The following ABL2 variants were observed in gnomAD, a reference collection of about 807,000 sequenced individuals.
ABL2 encodes the protein tyrosine-protein kinase ABL2.
Under a neutral mutation model 107.7 loss-of-function variants are expected in ABL2, and 49 were observed. That is an observed-to-expected ratio of 0.45 (90% CI 0.36 to 0.58). The LOEUF (loss-of-function observed/expected upper bound fraction) is 0.58. ABL2 is among the 20% of genes least tolerant of loss of function. ABL2 has a pLI of 0.00. For synonymous variants in ABL2, 549 were observed against 548.6 expected, an observed-to-expected ratio of 1.00 and a Z score of -0.01; for missense variants, 1,245 against 1,457.0, an observed-to-expected ratio of 0.85 and a Z score of 2.37.
chr1:179,183,594 A>T lies in ABL2; in HGVS notation c.157+45647T>A, dbSNP rs190885409. The T allele has an allele frequency of 3.9e-5, 6 of 151,906 alleles. No homozygotes were observed. The East Asian group carries it at 7.7e-4, about 20-fold the overall frequency. 9.4% of individuals were successfully genotyped at this position (151,906 alleles called of 1,614,324 possible). A position where few individuals can be genotyped will look rare whatever the true frequency, so the allele number is the denominator to read the frequency against. ...TTGTTCATGTACAACTGAAATGATT[A>T]AAAAAAAATTATAATACAAACGTAA... On this transcript the variant is annotated intron_variant, in intron 1 of 11. Transcript: ENST00000502732.
intron 1 of ABL2, among the ~76,000 whole-genome samples, chr1:179,170,347 G>T (rs190091431): frequency 6.6e-6 from 1 of 152,068 alleles, no homozygotes; most frequent in African/African-American, 2.4e-5. Context: ...AAGCTTTGGG[G>T]GACATAATCA....
rs1652919832 is a variant in ABL2 at position 179,099,487 on chromosome 1, T to C, written c.*8231A>G. 2 of 222,368 alleles carry C rather than the reference T, an allele frequency of 9.0e-6. No homozygotes were observed. The highest frequency in any genetic ancestry group is 9.0e-6 in the Non-Finnish European group (1 of 111,294). 13.8% of individuals were successfully genotyped at this position (222,368 alleles called of 1,614,324 possible). On this transcript the variant is annotated 3_prime_UTR_variant, in exon 12 of 12. Transcript: ENST00000502732. ...CAGTCAGACAACAGACGGAGAGAAT[T>C]AAATTAGAAAAACAACTGAAAATAT...
chr1:179,226,708 G>C (rs1663238548), intron 1 of ABL2, among the ~76,000 whole-genome samples: 1 of 152,058 alleles, frequency 6.6e-6, no homozygotes, highest in African/African-American at 2.4e-5. Context: ...TTTAATACTA[G>C]GTACTATTAT....
Position 179,176,098 on chromosome 1 carries a change from G to A in ABL2, c.158-42724C>T, listed in dbSNP as rs985964196. Reference sequence around the variant, plus strand: ...CTCAACTCCTGACCTCAAGTGACCCGCCTGCCTCGGCCTCCCAAAGTGCTG... The same window carrying A: ...CTCAACTCCTGACCTCAAGTGACCCACCTGCCTCGGCCTCCCAAAGTGCTG... On this transcript the variant is annotated intron_variant, in intron 1 of 11. Coordinates refer to ENST00000502732, the MANE Select transcript of ABL2 (RefSeq NM_007314.4). 4.0e-5 allele frequency among the ~76,000 whole-genome samples: 6 copies of A among 151,756 alleles called. No homozygotes were observed. In the South Asian group the frequency reaches 1.0e-3, roughly 26 times the overall value.
At chr1:179,196,555 TCCAGGACCAGC>T (rs1052423764) in intron 1 of ABL2, 1 of 152,152 alleles carries the variant, frequency 6.6e-6, no homozygotes, top group African/African-American at 2.4e-5. Context: ...GTCCAGGAGT[TCCAGGACCAGC>T]CTGGCCAATA....
At chr1:179,168,972 C>G (rs1659551054) in intron 1 of ABL2, among the ~76,000 whole-genome samples, 1 of 152,104 alleles carries the variant, frequency 6.6e-6, no homozygotes, top group African/African-American at 2.4e-5. Context: ...TCCACAATAT[C>G]CACAGAGGAT....
chr1:179,137,553 A>G (rs960877154), intron 1 of ABL2, among the ~76,000 whole-genome samples: 6 of 152,210 alleles, frequency 3.9e-5, no homozygotes, highest in Admixed American at 1.3e-4. Flanking sequence ...GTTTGAAATT[A>G]TAAGAGAAAA....
intron 1 of ABL2, among the ~76,000 whole-genome samples, chr1:179,191,754 C>T (rs1470121912): frequency 3.3e-5 from 5 of 152,088 alleles, no homozygotes; most frequent in Non-Finnish European, 2.9e-5. Context: ...ACATATTCTG[C>T]TATCATTTAA....
In ABL2 at chr1:179,108,707, G is replaced by A. The variant is rs373189989; in HGVS notation, c.2560C>T (p.Pro854Ser). The A allele has an allele frequency of 6.2e-7, 1 of 1,614,156 alleles. No individual in the cohort carries two copies. Among genetic ancestry groups the A allele is most frequent in the Non-Finnish European group, 8.5e-7 (1 of 1,179,998 alleles). The change falls in exon 12 of 12, where the codon CCC (proline) becomes TCC (serine). Residue 854 changes from proline (P) to serine (S), a missense_variant. By Grantham distance (74) the Pro-to-Ser change is moderately conservative. Coordinates refer to ENST00000502732, the MANE Select transcript of ABL2 (RefSeq NM_007314.4). ...SRERPKAKLLPRGATALPLRT... is the reference protein window; with the variant it reads ...SRERPKAKLLSRGATALPLRT... Reference sequence around the variant, plus strand: ...AGAGGAAGAGCTGTGGCTCCTCTGGGCAATAACTTGGCTTTTGGTCTCTCC... The same window carrying A: ...AGAGGAAGAGCTGTGGCTCCTCTGGACAATAACTTGGCTTTTGGTCTCTCC...
intron 1 of ABL2, among the ~76,000 whole-genome samples, chr1:179,140,199 T>C (rs1657445936): frequency 1.3e-5 from 2 of 152,188 alleles, no homozygotes; most frequent in Admixed American, 1.3e-4. Flanking sequence ...CCTGCTGCTA[T>C]TCCTCTACCT....
intron 1 of ABL2, among the ~76,000 whole-genome samples, chr1:179,162,534 G>C (rs1022117002): frequency 6.6e-6 from 1 of 152,132 alleles, no homozygotes; most frequent in Non-Finnish European, 1.5e-5. Context: ...GCAGTGAGCC[G>C]AGATCAAGCC....
intron 1 of ABL2, among the ~76,000 whole-genome samples, chr1:179,173,572 G>C (rs1414597407): frequency 2.6e-5 from 4 of 151,814 alleles, no homozygotes; most frequent in Non-Finnish European, 5.9e-5. Context: ...GGATAGTCTC[G>C]ATCTCCTGAC....
intron 1 of ABL2, among the ~76,000 whole-genome samples, chr1:179,155,818 G>C (rs1462518713): frequency 1.3e-5 from 2 of 151,642 alleles, no homozygotes; most frequent in Non-Finnish European, 2.9e-5. Context: ...AGTATGACTG[G>C]ACAATTTCCA....
intron 1 of ABL2, among the ~76,000 whole-genome samples, chr1:179,196,206 T>C (rs1377038437): frequency 6.6e-6 from 1 of 152,242 alleles, no homozygotes; most frequent in African/African-American, 2.4e-5. Context: ...ACTGAGATGT[T>C]CTCTTTGGAA....
At chr1:179,221,127 G>GT in intron 1 of ABL2, 1 of 243,498 alleles carries the variant, frequency 4.1e-6, no homozygotes, top group East Asian at 8.8e-5. Context: ...GGCCATTAGA[G>GT]TTACTTGGGG....
At chr1:179,149,444 T>C (rs1042225441) in intron 1 of ABL2, among the ~76,000 whole-genome samples, 2 of 152,204 alleles carry the variant, frequency 1.3e-5, no homozygotes, top group African/African-American at 4.8e-5. Context: ...CTAGCTAAGA[T>C]CACCGATGAA....
chr1:179,219,880 A>C (rs1478813986), intron 1 of ABL2, among the ~76,000 whole-genome samples: 1 of 152,274 alleles, frequency 6.6e-6, no homozygotes, highest in Non-Finnish European at 1.5e-5. Context: ...ACATTTTCAC[A>C]TACAACTCAT....
Position 179,169,287 on chromosome 1 carries a change from G to A in ABL2, c.158-35913C>T, listed in dbSNP as rs548607605. ...AGACTGGCCGGGTGCGGTGGCTCAC[G>A]CCTGTAATGCCAGCACTTTGGGAGG... On this transcript the variant is annotated intron_variant, in intron 1 of 11. Transcript: ENST00000502732. 2.1e-3 allele frequency among the ~76,000 whole-genome samples: 318 copies of A among 152,204 alleles called. 5 individuals are homozygous for A. The highest frequency in any genetic ancestry group is 3.7e-3 in the Admixed American group (57 of 15,292).
chr1:179,117,252 G>GT (rs771963266), intron 8 of ABL2, 80 bp downstream of exon 8: 93 of 1,402,502 alleles, frequency 6.6e-5, no homozygotes, highest in Non-Finnish European at 9.1e-5. Context: ...ACTGAACATC[G>GT]TAAGAGAAGC....
Sources: gnomAD v4.1 joint callset for allele counts (sites outside exome capture counted in the v4.1 genomes callset) on GRCh38, gnomAD v4.1.1 for gene constraint, MANE v1.5 for transcripts, NCBI Gene and HGNC (gene_info 2026-07-23, HGNC 2026-07-21) for gene names.